The following KAT5 variants were observed in gnomAD, a reference collection of about 807,000 sequenced individuals.
KAT5 encodes the protein histone acetyltransferase KAT5.
In KAT5, 31 loss-of-function variants were observed where a neutral mutation model predicts 68.1. That is an observed-to-expected ratio of 0.46 (90% confidence interval 0.34 to 0.61). KAT5 has a LOEUF of 0.61. Ranked by LOEUF, KAT5 falls within the 20% of genes least tolerant of loss-of-function variation. The pLI is 0.01. For missense variants in KAT5, 451 were observed against 725.5 expected (o/e 0.62, Z 4.35); for synonymous variants, 365 against 292.6 (o/e 1.25, Z -2.52).
chr11:65,718,841 C>G, intron 11 of KAT5, 32 bp from the exon 12 acceptor site: 6 of 1,613,706 alleles, frequency 3.7e-6, no homozygotes, highest in Non-Finnish European at 5.1e-6. Flanking sequence ...AGATAAAGGT[C>G]CTCAGGGAAC....
At position 65,712,455 on chromosome 11, in the gene KAT5, G is replaced by A; in HGVS notation, c.178+10G>A. 6.3e-7 allele frequency: 1 copy of A among 1,587,088 alleles called. No individual in the cohort carries two copies. ...AACGAAGATGAGTGGCGTGAGTGAC[G>A]TTGGGGGGCGGGACTAAGGAACCTG... On this transcript the variant is annotated intron_variant, in intron 1 of 12. Coordinates refer to ENST00000341318, the MANE Select transcript of KAT5 (RefSeq NM_182710.3).
rs1857213561 is a variant in KAT5, at chr11:65,716,870, A to C, written c.1171-19A>C. On this transcript the variant is annotated intron_variant, in intron 9 of 12. Coordinates refer to ENST00000341318, the MANE Select transcript of KAT5 (RefSeq NM_182710.3). ...GAGCCAGATCCCTTCCCTGACACTC[A>C]CCTGTCCCCCTTCTCCAGGAGAAAG... 1 of 1,613,256 alleles carries C rather than the reference A, an allele frequency of 6.2e-7. No homozygotes were observed. Among genetic ancestry groups the C allele is most frequent in the Non-Finnish European group, 8.5e-7 (1 of 1,179,354 alleles).
chr11:65,712,674 G>C, intron 1 of KAT5, 92 bp from the exon 2 acceptor site: 1 of 1,477,162 alleles, frequency 6.8e-7, no homozygotes, highest in Admixed American at 1.7e-5. Context: ...CTGGAGCTTA[G>C]GGATCCGGCC....
chr11:65,714,808 C>T lies in KAT5; in HGVS notation c.940-13C>T, dbSNP rs973907454. 7 of 1,614,068 alleles carry T rather than the reference C, an allele frequency of 4.3e-6. No individual in the cohort carries two copies. In the South Asian group the frequency reaches 4.4e-5, roughly 10 times the overall value. ...CACGTTGCCCTTGTTCCTGATCCTC[C>T]TCTCTTCCCCAGACCAAGTGTGACC... is the stretch of plus-strand genomic sequence containing the variant. On this transcript the variant is annotated splice_polypyrimidine_tract_variant and intron_variant, in intron 7 of 12. Coordinates refer to ENST00000341318, the MANE Select transcript of KAT5 (RefSeq NM_182710.3).
chr11:65,718,951 C>T lies in KAT5; in HGVS notation c.1503C>T (p.Tyr501=). The change falls in exon 12 of 13, where the codon TAC becomes TAT. Residue 501 remains tyrosine, a synonymous_variant. Coordinates refer to ENST00000341318, the MANE Select transcript of KAT5 (RefSeq NM_182710.3). ...AGTACCTCAATCTCATCAACTACTA[C>T]AAGGTAGGGAGGCAGGCAGGGGAGA... is the stretch of plus-strand genomic sequence containing the variant. ...TLQYLNLINY[Y]KGQYILTLSE... 2 of 1,614,150 alleles carry T rather than the reference C, an allele frequency of 1.2e-6. No individual in the cohort carries two copies. The highest frequency in any genetic ancestry group is 8.5e-7 in the Non-Finnish European group (1 of 1,180,008).
At chr11:65,715,583 A>T (rs1294126516) in intron 8 of KAT5, among the ~76,000 whole-genome samples, 1 of 151,524 alleles carries the variant, frequency 6.6e-6, no homozygotes, top group Non-Finnish European at 1.5e-5. Flanking sequence ...ACACGGTTAA[A>T]CCCTGTCTCT....
intron 8 of KAT5, chr11:65,715,356 C>A: frequency 4.4e-6 from 1 of 227,146 alleles, no homozygotes; most frequent in South Asian, 6.8e-5. Context: ...AGGGAAGGCT[C>A]GTACATGGGA....
intron 10 of KAT5, 120 bp from the exon 11 acceptor site, chr11:65,718,470 C>A: frequency 2.0e-6 from 2 of 991,124 alleles, no homozygotes; most frequent in African/African-American, 1.6e-5. Flanking sequence ...GGGCATAGAA[C>A]TGCCAAGTGG....
rs1344507604 is a variant in KAT5, at chr11:65,713,398, C to G, written c.435C>G (p.Ile145Met). ...AGACCTTGCCAATCCCGGTCCAGAT[C>G]ACACTCCGCTTCAACCTGCCCAAGG... ...SGKTLPIPVQITLRFNLPKER... is the reference protein window; with the variant it reads ...SGKTLPIPVQMTLRFNLPKER... The change falls in exon 4 of 13, where the codon ATC (isoleucine) becomes ATG (methionine). Residue 145 changes from isoleucine to methionine, a missense_variant. Ile to Met is a conservative substitution (Grantham distance 10, BLOSUM62 1). This residue lies in a region of KAT5 where 135 missense variants were observed against 173.4 expected (regional missense o/e 0.78). Transcript: ENST00000341318. 2.5e-6 allele frequency: 4 copies of G among 1,613,994 alleles called. No individual in the cohort carries two copies. Among genetic ancestry groups the G allele is most frequent in the Non-Finnish European group, 3.4e-6 (4 of 1,180,020 alleles).
In KAT5 at chr11:65,718,973, G is replaced by A. The variant is rs1307952484; in HGVS notation, c.1506+19G>A. The stretch of plus-strand genomic sequence containing the variant: ...CTACAAGGTAGGGAGGCAGGCAGGG[G>A]AGACAGGTGTGTGGGATGCAGAGTG... On this transcript the variant is annotated intron_variant, in intron 12 of 12. Coordinates refer to ENST00000341318, the MANE Select transcript of KAT5 (RefSeq NM_182710.3). The A allele has an allele frequency of 6.2e-7, 1 of 1,614,152 alleles. No homozygotes were observed. The highest frequency in any genetic ancestry group is 2.2e-5 in the East Asian group (1 of 44,890).
chr11:65,714,093 GT>G lies in KAT5; in HGVS notation c.690+248del, dbSNP rs1045409198. The stretch of plus-strand genomic sequence containing the variant: ...GCTGGTGGATCACCTGAGGTCAGGA[GT>G]TTGAGACCAGCCTGGCCAACATGGT... On this transcript the variant is annotated intron_variant, in intron 6 of 12. Coordinates refer to ENST00000341318, the MANE Select transcript of KAT5 (RefSeq NM_182710.3). The G allele has an allele frequency of 1.6e-5, 9 of 553,778 alleles. No homozygotes were observed. In the African/African-American group the frequency reaches 1.7e-4, roughly 10 times the overall value. The allele number at this position is 553,778 out of a possible 1,614,324, so 34.3% of individuals were successfully genotyped here.
chr11:65,714,635 G>T lies in KAT5; in HGVS notation c.831G>T (p.Pro277=). The change falls in exon 7 of 13, where the codon CCG becomes CCT. Residue 277 remains proline (P), a synonymous_variant. Transcript: ENST00000341318. ...CIELGRHRLK[P]WYFSPYPQEL... is the part of the protein sequence containing the mutation. The stretch of plus-strand genomic sequence containing the variant: ...AGCTGGGCCGGCACCGCCTCAAGCC[G>T]TGGTACTTCTCCCCGTACCCACAGG... The T allele has an allele frequency of 6.2e-7, 1 of 1,614,222 alleles. No individual in the cohort carries two copies. Among genetic ancestry groups the T allele is most frequent in the South Asian group, 1.1e-5 (1 of 91,088 alleles).
chr11:65,715,156 GTA>G, intron 8 of KAT5: 1 of 522,554 alleles, frequency 1.9e-6, no homozygotes, highest in Non-Finnish European at 3.5e-6. Context: ...GAAACAGAGG[GTA>G]GGTTAGCAGG....
At position 65,712,401 on chromosome 11, in the gene KAT5, G is replaced by A. The variant is rs1299365006; in HGVS notation, c.134G>A (p.Arg45His). ...CAGGGGGAGATAATCGAGGGCTGCCGCCTACCCGTGCTGCGGCGGAACCAG... is the reference window on the plus strand; with the variant it reads ...CAGGGGGAGATAATCGAGGGCTGCCACCTACCCGTGCTGCGGCGGAACCAG... ...SPQGEIIEGC[R>H]LPVLRRNQDN... Residue 45 changes from arginine (R) to histidine (H), a missense_variant, in exon 1 of 13, where the codon CGC becomes CAC. This residue lies in a region of KAT5 where 104 missense variants were observed against 107.3 expected (regional missense o/e 0.97). Coordinates refer to ENST00000341318, the MANE Select transcript of KAT5 (RefSeq NM_182710.3). 11 of 1,587,532 alleles carry A rather than the reference G, an allele frequency of 6.9e-6. No homozygotes were observed. The highest frequency in any genetic ancestry group is 8.5e-6 in the Non-Finnish European group (10 of 1,172,708).
intron 8 of KAT5, 75 bp downstream of exon 8, chr11:65,714,985 C>G: frequency 7.7e-7 from 1 of 1,294,588 alleles, no homozygotes; most frequent in Non-Finnish European, 1.1e-6. Flanking sequence ...AAACACTGAC[C>G]AGTCAAGCCA....
chr11:65,712,088 G>A (rs1001022722), upstream of KAT5: 4 of 560,972 alleles, frequency 7.1e-6, no homozygotes, highest in Admixed American at 4.0e-5. Context: ...TCGGCCTGAG[G>A]CTTGTAACAC....
Position 65,714,880 on chromosome 11 carries a change from C to G in KAT5, c.999C>G (p.Ser333=), listed in dbSNP as rs1329128569. 3 of 1,614,228 alleles carry G rather than the reference C, an allele frequency of 1.9e-6. No individual in the cohort carries two copies. Among genetic ancestry groups the G allele is most frequent in the Admixed American group, 1.7e-5 (1 of 60,032 alleles). The change falls in exon 8 of 13, where the codon TCC becomes TCG. Residue 333 remains serine (S), a synonymous_variant. Transcript: ENST00000341318. ...GNEIYRKGTI[S]FFEIDGRKNK... ...AGATTTACCGCAAGGGCACCATCTCCTTCTTTGAGATTGATGGACGTAAGA... is the reference window on the plus strand; with the variant it reads ...AGATTTACCGCAAGGGCACCATCTCGTTCTTTGAGATTGATGGACGTAAGA...
At chr11:65,715,064 C>T (rs1857149219) in intron 8 of KAT5, 154 bp downstream of exon 8, 1 of 676,990 alleles carries the variant, frequency 1.5e-6, no homozygotes, top group African/African-American at 1.8e-5. Flanking sequence ...AGGAATGAGA[C>T]AGTCTCTGTT....
In KAT5 at chr11:65,718,722, G is replaced by T. The variant is rs375524599; in HGVS notation, c.1397G>T (p.Ser466Ile). Residue 466 changes from serine (S) to isoleucine (I), a missense_variant, in exon 11 of 13, where the codon AGC becomes ATC. By Grantham distance (142) the Ser-to-Ile change is moderately radical. Around this residue, in one of 4 missense-constraint regions of KAT5, gnomAD observed 210 missense variants for 423.7 expected, o/e 0.50. Coordinates refer to ENST00000341318, the MANE Select transcript of KAT5 (RefSeq NM_182710.3). ...LEILMGLKSESGERPQITINE... is the reference protein window; with the variant it reads ...LEILMGLKSEIGERPQITINE... Reference sequence around the variant, plus strand: ...ATCCTGATGGGGCTGAAGTCGGAGAGCGGGGAGAGGCCACAGATCACCATC... The same window carrying T: ...ATCCTGATGGGGCTGAAGTCGGAGATCGGGGAGAGGCCACAGATCACCATC... 1 of 1,614,078 alleles carries T rather than the reference G, an allele frequency of 6.2e-7. No homozygotes were observed. Among genetic ancestry groups the T allele is most frequent in the Non-Finnish European group, 8.5e-7 (1 of 1,180,040 alleles).
Sources: gnomAD v4.1 joint callset for allele counts (sites outside exome capture counted in the v4.1 genomes callset) on GRCh38, gnomAD v4.1.1 for gene constraint, gnomAD v4.1.1 regional missense constraint, MANE v1.5 for transcripts, NCBI Gene and HGNC (gene_info 2026-07-23, HGNC 2026-07-21) for gene names.